ASCC3: variants seen among roughly 807,000 people sequenced by gnomAD.
ASCC3 encodes the protein activating signal cointegrator 1 complex subunit 3.
ASCC3 carries 158 observed loss-of-function variants against 256.3 expected under a neutral mutation model. That is an observed-to-expected ratio of 0.62 (90% CI 0.54 to 0.70). The LOEUF (loss-of-function observed/expected upper bound fraction) is 0.70. Among genes scored for constraint, ASCC3 ranks in the 30% least tolerant of loss-of-function variants. The pLI is 0.00. For missense variants in ASCC3, 2,259 were observed against 2,626.0 expected (o/e 0.86, Z 3.05); for synonymous variants, 948 against 883.4 (o/e 1.07, Z -1.30).
At chr6:100,660,164 T>A (rs1166938357) in intron 16 of ASCC3, among the ~76,000 whole-genome samples, 1 of 151,626 alleles carries the variant, frequency 6.6e-6, no homozygotes, top group Non-Finnish European at 1.5e-5. Context: ...TACTACATTT[T>A]ATATAAAAGA....
chr6:100,790,409 G>T (rs975069409), intron 8 of ASCC3, among the ~76,000 whole-genome samples: 1 of 151,872 alleles, frequency 6.6e-6, no homozygotes, highest in Non-Finnish European at 1.5e-5. Context: ...ACAATGCTTT[G>T]CATCAATCAT....
chr6:100,704,621 A>G (rs1344951056), intron 13 of ASCC3, among the ~76,000 whole-genome samples: 1 of 152,032 alleles, frequency 6.6e-6, no homozygotes, highest in African/African-American at 2.4e-5. Context: ...CAATTTTTAA[A>G]GGTGATTTCT....
At chr6:100,626,481 A>C (rs1774241832) in intron 29 of ASCC3, among the ~76,000 whole-genome samples, 1 of 152,100 alleles carries the variant, frequency 6.6e-6, no homozygotes, top group Admixed American at 6.6e-5. Flanking sequence ...TAAATAGTAC[A>C]TAAGTATAGC....
chr6:100,530,192 T>A (rs1582396033), intron 37 of ASCC3: 1 of 670,216 alleles, frequency 1.5e-6, no homozygotes, highest in Non-Finnish European at 2.7e-6. Flanking sequence ...TGAATTAACA[T>A]CATTTTTCTT....
chr6:100,745,060 G>C (rs1176479102), intron 10 of ASCC3, among the ~76,000 whole-genome samples: 1 of 152,198 alleles, frequency 6.6e-6, no homozygotes, highest in African/African-American at 2.4e-5. Flanking sequence ...CAGGTGCGGG[G>C]GCTCACGCCT....
intron 3 of ASCC3, among the ~76,000 whole-genome samples, chr6:100,855,439 G>A (rs1273730889): frequency 2.6e-5 from 4 of 152,160 alleles, no homozygotes; most frequent in Non-Finnish European, 5.9e-5. Flanking sequence ...GTTTACAATT[G>A]TTTAGCTATA....
At chr6:100,600,628 GA>G (rs1185976068) in intron 34 of ASCC3, among the ~76,000 whole-genome samples, 1 of 152,074 alleles carries the variant, frequency 6.6e-6, no homozygotes, top group Non-Finnish European at 1.5e-5. Flanking sequence ...GATTTAGTAA[GA>G]ACATTTTCAT....
intron 4 of ASCC3, among the ~76,000 whole-genome samples, chr6:100,826,489 T>C (rs1176218069): frequency 6.6e-6 from 1 of 152,210 alleles, no homozygotes; most frequent in Non-Finnish European, 1.5e-5. Flanking sequence ...AGTTCACTTT[T>C]GTACTGTTTC....
At chr6:100,571,442 T>G (rs1193023320) in intron 36 of ASCC3, among the ~76,000 whole-genome samples, 1 of 152,194 alleles carries the variant, frequency 6.6e-6, no homozygotes, top group African/African-American at 2.4e-5. Context: ...GTGTGTTTAT[T>G]CTTGGCCAAC....
intron 3 of ASCC3, chr6:100,858,662 A>C (rs900285356): frequency 3.0e-6 from 3 of 1,006,616 alleles, no homozygotes; most frequent in Non-Finnish European, 3.6e-6. Context: ...CACACACATC[A>C]TGTGTATTTC....
intron 40 of ASCC3, among the ~76,000 whole-genome samples, chr6:100,512,138 TCTC>T (rs1773794569): frequency 6.6e-6 from 1 of 152,168 alleles, no homozygotes; most frequent in African/African-American, 2.4e-5. Context: ...TTGACAAAGC[TCTC>T]CTATGCATTA....
At chr6:100,632,768 A>G (rs190143037) in intron 25 of ASCC3, among the ~76,000 whole-genome samples, 2 of 152,296 alleles carry the variant, frequency 1.3e-5, no homozygotes, top group Non-Finnish European at 2.9e-5. Flanking sequence ...AAGACTGTAT[A>G]TTCACATGTA....
At chr6:100,512,204 C>T (rs1414022494) in intron 40 of ASCC3, among the ~76,000 whole-genome samples, 4 of 152,148 alleles carry the variant, frequency 2.6e-5, no homozygotes, top group Non-Finnish European at 5.9e-5. Flanking sequence ...AGCTTAATGT[C>T]TTATTCAAAT....
In ASCC3 at chr6:100,599,343, A is replaced by G. The variant is rs188975707; in HGVS notation, c.5303+2467T>C. ...AAGCCAAATTGAAGGACATTCTACA[A>G]AACAATTGGCCAGTTCTCTTCAGAA... On this transcript the variant is annotated intron_variant, in intron 34 of 41. Coordinates refer to ENST00000369162, the MANE Select transcript of ASCC3 (RefSeq NM_006828.4). Among the ~76,000 whole-genome samples the G allele has an allele frequency of 4.6e-5, 7 of 152,296 alleles. No individual in the cohort carries two copies. In the East Asian group the frequency reaches 1.4e-3, roughly 29 times the overall value.
chr6:100,661,517 G>A (rs1342161607), intron 16 of ASCC3, among the ~76,000 whole-genome samples: 1 of 151,676 alleles, frequency 6.6e-6, no homozygotes. Context: ...AATTATTATT[G>A]CTATTTCTGT....
intron 24 of ASCC3, among the ~76,000 whole-genome samples, chr6:100,640,162 A>T (rs1775049583): frequency 6.6e-6 from 1 of 152,096 alleles, no homozygotes; most frequent in Non-Finnish European, 1.5e-5. Context: ...GAAGGAGGGG[A>T]GGCATTGCAA....
chr6:100,691,024 T>C (rs1295159333), intron 13 of ASCC3, among the ~76,000 whole-genome samples: 1 of 152,116 alleles, frequency 6.6e-6, no homozygotes, highest in African/African-American at 2.4e-5. Context: ...CTGCTATATT[T>C]TATTAAAAGA....
chr6:100,808,625 C>T (rs985664200), intron 4 of ASCC3, among the ~76,000 whole-genome samples: 3 of 151,792 alleles, frequency 2.0e-5, no homozygotes, highest in Non-Finnish European at 4.4e-5. Context: ...TGATACTTTT[C>T]TTTCTATATT....
At chr6:100,637,724 A>G (rs765390185) in intron 25 of ASCC3, among the ~76,000 whole-genome samples, 19 of 152,132 alleles carry the variant, frequency 1.2e-4, no homozygotes, top group Admixed American at 2.0e-4. Context: ...CGGACGACTG[A>G]GGGGTTCAAG....
Sources: allele counts gnomAD v4.1 joint callset (sites outside exome capture counted in the v4.1 genomes callset), GRCh38; gene constraint gnomAD v4.1.1; transcripts MANE v1.5; gene names NCBI Gene and HGNC (gene_info 2026-07-23, HGNC 2026-07-21).